MYO9A: variants seen among roughly 807,000 people sequenced by gnomAD.
MYO9A encodes myosin IXA.
A neutral mutation model predicts 293.3 loss-of-function variants in MYO9A; 103 were observed. The ratio of observed to expected loss-of-function variants is 0.35; its 90% CI spans 0.30 to 0.41. MYO9A has a LOEUF of 0.41. Among genes scored for constraint, MYO9A ranks in the 10% least tolerant of loss-of-function variants. MYO9A has a pLI of 1.00. For missense variants in MYO9A, 2,685 were observed against 3,033.0 expected (o/e 0.89, Z 2.69); for synonymous variants, 1,001 against 1,035.7 (o/e 0.97, Z 0.64).
chr15:71,850,977 G>A (rs1490232738), intron 37 of MYO9A, among the ~76,000 whole-genome samples: 1 of 151,816 alleles, frequency 6.6e-6, no homozygotes, highest in African/African-American at 2.4e-5. Flanking sequence ...ATCCTTTCTA[G>A]TTCAGCTGTT....
rs1307671235 is a variant in MYO9A at position 71,898,986 on chromosome 15, C to T, written c.3517G>A (p.Val1173Ile). 4 of 1,613,058 alleles carry T rather than the reference C, an allele frequency of 2.5e-6. No individual in the cohort carries two copies. The highest frequency in any genetic ancestry group is 2.2e-5 in the South Asian group (2 of 91,022). Residue 1173 changes from valine (V) to isoleucine (I), a missense_variant, in exon 25 of 42, where the codon GTT becomes ATT. Transcript: ENST00000356056. ...TATCCCTTAATATTCACCAATCCAA[C>T]TTCTGGCTTTGTTTCTCTTAGCCTT... ...EQRLRETKPEVGLVNIKGYGS... is the reference protein window; with the variant it reads ...EQRLRETKPEIGLVNIKGYGS...
At chr15:71,852,472 T>G (rs1043881880) in intron 35 of MYO9A, 5 of 320,744 alleles carry the variant, frequency 1.6e-5, no homozygotes, top group Non-Finnish European at 2.8e-5. Context: ...CAAGTGATTC[T>G]CCTGCCTCAG....
intron 10 of MYO9A, 27 bp from the exon 11 acceptor site, chr15:71,991,264 A>C: frequency 5.2e-6 from 8 of 1,529,100 alleles, no homozygotes; most frequent in Non-Finnish European, 7.1e-6. Context: ...AGTTTTGATT[A>C]AAAGTAATGT....
chr15:71,859,772 T>G lies in MYO9A; in HGVS notation c.6116A>C (p.Lys2039Thr). 1 of 1,613,514 alleles carries G rather than the reference T, an allele frequency of 6.2e-7. No individual in the cohort carries two copies. The highest frequency in any genetic ancestry group is 8.5e-7 in the Non-Finnish European group (1 of 1,179,700). The change falls in exon 34 of 42, where the codon AAG becomes ACG. Residue 2039 changes from lysine to threonine, a missense_variant. Transcript: ENST00000356056. ...CKLCKYACHK[K>T]CCLKTTAKCS... ...CTTGGCTGTGGTTTTCAGACAGCAC[T>G]TCTTATGGCAAGCATACTTGCATAC...
intron 1 of MYO9A, among the ~76,000 whole-genome samples, chr15:72,113,590 A>G (rs2080860272): frequency 6.6e-6 from 1 of 152,196 alleles, no homozygotes; most frequent in Non-Finnish European, 1.5e-5. Context: ...TTCAATAGGA[A>G]AGGACATGAT....
chr15:71,980,952 T>G (rs1447576212), intron 11 of MYO9A, among the ~76,000 whole-genome samples: 2 of 152,252 alleles, frequency 1.3e-5, no homozygotes, highest in African/African-American at 4.8e-5. Flanking sequence ...AGCTGTATTT[T>G]GTAGATGTCC....
At position 71,898,194 on chromosome 15, in the gene MYO9A, T is replaced by C. The variant is rs773656437; in HGVS notation, c.4309A>G (p.Thr1437Ala). The C allele has an allele frequency of 1.2e-6, 2 of 1,614,058 alleles. No homozygotes were observed. Among genetic ancestry groups the C allele is most frequent in the Non-Finnish European group, 1.7e-6 (2 of 1,180,028 alleles). The change falls in exon 25 of 42, where the codon ACA (threonine) becomes GCA (alanine). Residue 1437 changes from threonine to alanine, a missense_variant. Thr to Ala is a moderately conservative substitution (Grantham distance 58, BLOSUM62 0). Coordinates refer to ENST00000356056, the MANE Select transcript of MYO9A (RefSeq NM_006901.4). ...DPLKTNSQLD[T>A]SIQRNKLLEN... is the part of the protein sequence containing the mutation. ...AATAGTTTGTTTCTTTGGATACTTG[T>C]GTCTAGTTGGGAATTTGTTTTCAGT...
At chr15:72,074,950 CCTTTTT>C (rs2079300839) in intron 1 of MYO9A, among the ~76,000 whole-genome samples, 1 of 71,666 alleles carries the variant, frequency 1.4e-5, no homozygotes, top group African/African-American at 5.0e-5. Flanking sequence ...ATTTTCACTG[CCTTTTT>C]TTTTTTTTTT....
At chr15:71,900,341 C>A (rs983789565) in intron 23 of MYO9A, among the ~76,000 whole-genome samples, 1 of 148,652 alleles carries the variant, frequency 6.7e-6, no homozygotes, top group African/African-American at 2.5e-5. Flanking sequence ...GAGGCTGAGG[C>A]AGGAGAATGG....
intron 11 of MYO9A, among the ~76,000 whole-genome samples, chr15:71,984,525 G>A (rs946692004): frequency 6.6e-6 from 1 of 151,936 alleles, no homozygotes. Context: ...CTTCAAACAC[G>A]GCTTCTAACT....
intron 15 of MYO9A, among the ~76,000 whole-genome samples, chr15:71,945,810 T>G: frequency 6.6e-6 from 1 of 152,216 alleles, no homozygotes; most frequent in East Asian, 1.9e-4. Flanking sequence ...TTGTTCTTAA[T>G]GTTAGGGAAA....
chr15:71,883,603 A>T lies in MYO9A; in HGVS notation c.5389T>A (p.Phe1797Ile). ...AGTDVIPAHQ[F>I]PDELAAYHPT... ...CTTTGGTCACTTTTACCATCTGGAA[A>T]CTGATGAGCTGGAATCACATCTGTG... The change falls in exon 28 of 42, where the codon TTT becomes ATT. Residue 1797 changes from phenylalanine to isoleucine, a missense_variant. Phe to Ile is a conservative substitution (Grantham distance 21). This residue lies in a region of MYO9A where 1,434 missense variants were observed against 1,497.7 expected (regional missense o/e 0.96). Coordinates refer to ENST00000356056, the MANE Select transcript of MYO9A (RefSeq NM_006901.4). The T allele has an allele frequency of 1.2e-6, 2 of 1,610,368 alleles. No homozygotes were observed. Among genetic ancestry groups the T allele is most frequent in the Non-Finnish European group, 1.7e-6 (2 of 1,179,018 alleles).
chr15:71,957,236 T>G (rs1283554056), intron 14 of MYO9A, among the ~76,000 whole-genome samples: 1 of 152,202 alleles, frequency 6.6e-6, no homozygotes, highest in Non-Finnish European at 1.5e-5. Flanking sequence ...AAATATGTAT[T>G]AGGCACTGTC....
At chr15:72,077,287 T>C (rs76609851) in intron 1 of MYO9A, among the ~76,000 whole-genome samples, 4,098 of 152,076 alleles carry the variant, frequency 0.027, 161 homozygotes, top group East Asian at 0.18. Flanking sequence ...TCATTAAAAA[T>C]AAAAACTTCT....
intron 2 of MYO9A, among the ~76,000 whole-genome samples, chr15:72,039,531 G>A (rs1222807989): frequency 2.0e-5 from 3 of 151,998 alleles, no homozygotes; most frequent in Admixed American, 6.6e-5. Flanking sequence ...AGCAACCCAT[G>A]GTTCAAAGAA....
intron 1 of MYO9A, among the ~76,000 whole-genome samples, chr15:72,069,260 A>C (rs528157903): frequency 6.6e-6 from 1 of 152,314 alleles, no homozygotes; most frequent in South Asian, 2.1e-4. Context: ...TGAGGTCCTA[A>C]GGAAAGCTTC....
chr15:72,011,071 A>C (rs2077158440), intron 6 of MYO9A, among the ~76,000 whole-genome samples: 1 of 151,516 alleles, frequency 6.6e-6, no homozygotes, highest in African/African-American at 2.4e-5. Context: ...GTACAGTGGC[A>C]TGATCTTGGC....
chr15:71,884,247 C>G (rs182733431), intron 27 of MYO9A, among the ~76,000 whole-genome samples: 1 of 152,268 alleles, frequency 6.6e-6, no homozygotes, highest in Admixed American at 6.5e-5. Flanking sequence ...ATAAGTATGG[C>G]AAGTTTTACA....
chr15:72,066,144 A>G (rs1215978501), intron 1 of MYO9A, among the ~76,000 whole-genome samples: 1 of 152,236 alleles, frequency 6.6e-6, no homozygotes, highest in Non-Finnish European at 1.5e-5. Flanking sequence ...TCCTTAACCA[A>G]GAAACAAATA....
Sources: allele counts gnomAD v4.1 joint callset (sites outside exome capture counted in the v4.1 genomes callset), GRCh38; gene constraint gnomAD v4.1.1; regional missense constraint gnomAD v4.1.1; transcripts MANE v1.5; gene names NCBI Gene and HGNC (gene_info 2026-07-23, HGNC 2026-07-21).